The following NCOA2 variants were observed in gnomAD, a reference collection of about 807,000 sequenced individuals.
NCOA2 encodes class E basic helix-loop-helix protein 75.
In NCOA2, 21 loss-of-function variants were observed where a neutral mutation model predicts 145.1. The observed-to-expected ratio is 0.14, with a 90% CI of 0.10 to 0.21. The LOEUF is 0.21. Among genes scored for constraint, NCOA2 ranks in the 10% least tolerant of loss-of-function variants. The pLI is 1.00. For missense variants in NCOA2, 1,472 were observed against 1,837.6 expected (o/e 0.80, Z 3.64); for synonymous variants, 619 against 637.5 (o/e 0.97, Z 0.44).
chr8:70,314,258 G>C (rs924497709), intron 1 of NCOA2, among the ~76,000 whole-genome samples: 6 of 120,452 alleles, frequency 5.0e-5, no homozygotes, highest in African/African-American at 1.8e-4. Context: ...TTAAAATAAA[G>C]TACAGAATGC....
chr8:70,142,461 G>A (rs948170991), intron 13 of NCOA2, among the ~76,000 whole-genome samples: 1 of 152,202 alleles, frequency 6.6e-6, no homozygotes, highest in African/African-American at 2.4e-5. Context: ...CACTTAGGGA[G>A]GCTGCGGTGG....
chr8:70,291,316 C>T (rs1400489454), intron 2 of NCOA2, among the ~76,000 whole-genome samples: 2 of 152,162 alleles, frequency 1.3e-5, no homozygotes, highest in Non-Finnish European at 1.5e-5. Context: ...TCTAAACATG[C>T]TAACTCAAAA....
intron 1 of NCOA2, among the ~76,000 whole-genome samples, chr8:70,377,064 G>T (rs901790866): frequency 1.1e-4 from 16 of 146,936 alleles, no homozygotes; most frequent in Non-Finnish European, 2.1e-4. Flanking sequence ...TATACGTTGT[G>T]TTTTTTTTTT....
chr8:70,364,739 C>CT (rs1810521740), intron 1 of NCOA2, among the ~76,000 whole-genome samples: 1 of 135,794 alleles, frequency 7.4e-6, no homozygotes, highest in South Asian at 2.2e-4. Context: ...TCTCCCAATA[C>CT]TTAAAAAAAA....
At chr8:70,153,723 G>A (rs1672296115) in intron 11 of NCOA2, among the ~76,000 whole-genome samples, 1 of 152,146 alleles carries the variant, frequency 6.6e-6, no homozygotes, top group South Asian at 2.1e-4. Context: ...ACACTTACAG[G>A]TGTTAATATG....
chr8:70,284,150 G>A (rs1236472944), intron 2 of NCOA2, among the ~76,000 whole-genome samples: 2 of 152,176 alleles, frequency 1.3e-5, no homozygotes, highest in Admixed American at 1.3e-4. Flanking sequence ...ATGATCATCT[G>A]CTGGGGTCCA....
chr8:70,334,577 T>C (rs1486243979), intron 1 of NCOA2, among the ~76,000 whole-genome samples: 1 of 152,160 alleles, frequency 6.6e-6, no homozygotes, highest in African/African-American at 2.4e-5. Context: ...CCACGTTTCT[T>C]ATCTTGCCTA....
At chr8:70,204,043 G>A (rs1279884942) in intron 4 of NCOA2, among the ~76,000 whole-genome samples, 2 of 150,506 alleles carry the variant, frequency 1.3e-5, no homozygotes, top group Admixed American at 6.6e-5. Context: ...ATGAGGTCTC[G>A]CTCTATCACC....
chr8:70,241,829 T>C (rs1412507296), intron 2 of NCOA2, among the ~76,000 whole-genome samples: 1 of 152,152 alleles, frequency 6.6e-6, no homozygotes, highest in African/African-American at 2.4e-5. Context: ...GCATGTAAGT[T>C]CTACATAAAA....
intron 2 of NCOA2, among the ~76,000 whole-genome samples, chr8:70,272,419 TCTTCC>T (rs1357340086): frequency 6.6e-6 from 1 of 152,234 alleles, no homozygotes; most frequent in Non-Finnish European, 1.5e-5. Context: ...TCTCCTCTAC[TCTTCC>T]CTTAATTCTT....
At chr8:70,204,204 C>T (rs1434099205) in intron 4 of NCOA2, among the ~76,000 whole-genome samples, 1 of 151,994 alleles carries the variant, frequency 6.6e-6, no homozygotes, top group Admixed American at 6.6e-5. Context: ...GACGGGGTTT[C>T]ACCATGTTGG....
At chr8:70,277,800 C>T (rs1457306626) in intron 2 of NCOA2, among the ~76,000 whole-genome samples, 1 of 152,092 alleles carries the variant, frequency 6.6e-6, no homozygotes, top group Non-Finnish European at 1.5e-5. Context: ...TTTGCTATTT[C>T]CCCACTGTCG....
chr8:70,318,568 G>A (rs947793599), intron 1 of NCOA2, among the ~76,000 whole-genome samples: 13 of 152,032 alleles, frequency 8.6e-5, no homozygotes, highest in Non-Finnish European at 5.9e-5. Context: ...AGTTTGAGGT[G>A]AGCCTAGGCA....
At chr8:70,296,061 C>T (rs181003640) in intron 2 of NCOA2, among the ~76,000 whole-genome samples, 35 of 152,276 alleles carry the variant, frequency 2.3e-4, no homozygotes, top group Non-Finnish European at 3.8e-4. Context: ...CTTTAACAAA[C>T]GTTTATTTAG....
chr8:70,292,350 A>C (rs1826759101), intron 2 of NCOA2, among the ~76,000 whole-genome samples: 1 of 151,892 alleles, frequency 6.6e-6, no homozygotes, highest in South Asian at 2.1e-4. Context: ...ATGGGGTTTC[A>C]CCATGTTGGC....
In NCOA2 at chr8:70,128,498, G is replaced by A. The variant is rs1449905558; in HGVS notation, c.3616C>T (p.Leu1206Phe). ...GAAACATTGCTGATTTGATTCATAAGTGGCTGGCGATTCTAAATACATACA... is the reference window on the plus strand; with the variant it reads ...GAAACATTGCTGATTTGATTCATAAATGGCTGGCGATTCTAAATACATACA... ...RLQAQQNRQP[L>F]MNQISNVSNV... The change falls in exon 18 of 23, where the codon CTT becomes TTT. Residue 1206 changes from leucine to phenylalanine, a missense_variant. Leu to Phe is a conservative substitution (Grantham distance 22, BLOSUM62 0). Coordinates refer to ENST00000452400, the MANE Select transcript of NCOA2 (RefSeq NM_006540.4). The A allele has an allele frequency of 6.2e-7, 1 of 1,612,572 alleles. No homozygotes were observed. The highest frequency in any genetic ancestry group is 8.5e-7 in the Non-Finnish European group (1 of 1,179,308).
the NCOA2 span, among the ~76,000 whole-genome samples, chr8:70,425,952 G>C: frequency 6.6e-6 from 1 of 152,132 alleles, no homozygotes; most frequent in Non-Finnish European, 1.5e-5. Context: ...TCAGAGGATG[G>C]AATGTGAATG....
the NCOA2 span, among the ~76,000 whole-genome samples, chr8:70,452,812 A>G: frequency 2.0e-5 from 3 of 152,170 alleles, no homozygotes; most frequent in African/African-American, 7.2e-5. Flanking sequence ...TGAACAATTA[A>G]TTATATGATC....
intron 15 of NCOA2, among the ~76,000 whole-genome samples, chr8:70,133,299 C>T (rs1480925103): frequency 6.6e-6 from 1 of 150,484 alleles, no homozygotes; most frequent in Non-Finnish European, 1.5e-5. Context: ...CACACTACAT[C>T]CTTGAACTCC....
Sources: gnomAD v4.1 joint callset for allele counts (sites outside exome capture counted in the v4.1 genomes callset) on GRCh38, gnomAD v4.1.1 for gene constraint, MANE v1.5 for transcripts, NCBI Gene and HGNC (gene_info 2026-07-23, HGNC 2026-07-21) for gene names.